Variants in ENOX1 observed in about 807,000 individuals in gnomAD.
The protein encoded by ENOX1 is ecto-NOX disulfide-thiol exchanger 1, also known as candidate growth-related and time keeping constitutive hydroquinone (NADH) oxidase.
ENOX1 carries 42 observed loss-of-function variants against 82.5 expected under a neutral mutation model. The observed-to-expected ratio is 0.51, with a 90% confidence interval of 0.40 to 0.66. The LOEUF is 0.66. ENOX1 is among the 30% of genes least tolerant of loss of function. The pLI is 0.00. For synonymous variants in ENOX1, 271 were observed against 282.2 expected, an observed-to-expected ratio of 0.96 and a Z score of 0.40; for missense variants, 608 against 811.6, an observed-to-expected ratio of 0.75 and a Z score of 3.05.
chr13:43,556,122 T>C (rs1216551770), intron 2 of ENOX1, among the ~76,000 whole-genome samples: 1 of 152,194 alleles, frequency 6.6e-6, no homozygotes, highest in Non-Finnish European at 1.5e-5. Context: ...CACTGTAACA[T>C]GGGACGTAAA....
intron 1 of ENOX1, among the ~76,000 whole-genome samples, chr13:43,713,807 CTTCT>C (rs1277765184): frequency 2.0e-5 from 3 of 151,646 alleles, no homozygotes; most frequent in Admixed American, 6.6e-5. Flanking sequence ...TCTCTCTTTT[CTTCT>C]TTATTAGTCT....
At chr13:43,726,308 C>T (rs2088952936) in intron 1 of ENOX1, among the ~76,000 whole-genome samples, 2 of 151,368 alleles carry the variant, frequency 1.3e-5, no homozygotes, top group African/African-American at 4.9e-5. Context: ...CCTCCGCCTC[C>T]CAGATTCAAG....
intron 2 of ENOX1, among the ~76,000 whole-genome samples, chr13:43,570,978 C>A (rs1164140823): frequency 1.3e-5 from 2 of 152,198 alleles, no homozygotes; most frequent in Non-Finnish European, 2.9e-5. Context: ...AACATCAACT[C>A]CACCAGAAGA....
At chr13:43,762,262 C>T (rs1421738760) in intron 1 of ENOX1, among the ~76,000 whole-genome samples, 1 of 152,184 alleles carries the variant, frequency 6.6e-6, no homozygotes, top group Non-Finnish European at 1.5e-5. Context: ...AAACATCTCC[C>T]TCCAGTTTTC....
intron 14 of ENOX1, among the ~76,000 whole-genome samples, chr13:43,254,136 A>C (rs777880461): frequency 3.9e-5 from 6 of 151,982 alleles, no homozygotes; most frequent in South Asian, 2.1e-4. Flanking sequence ...AATCTCACAT[A>C]TTTTCTCGAG....
intron 3 of ENOX1, among the ~76,000 whole-genome samples, chr13:43,456,512 CCAAT>C (rs1214811941): frequency 6.6e-6 from 1 of 152,096 alleles, no homozygotes; most frequent in Non-Finnish European, 1.5e-5. Context: ...AGGGACTCTG[CCAAT>C]CAGTCATTTT....
intron 3 of ENOX1, among the ~76,000 whole-genome samples, chr13:43,467,702 C>T (rs953141044): frequency 2.0e-5 from 3 of 152,030 alleles, no homozygotes; most frequent in Non-Finnish European, 4.4e-5. Flanking sequence ...GCTGTACATG[C>T]TTTTGGTGTT....
intron 1 of ENOX1, among the ~76,000 whole-genome samples, chr13:43,701,030 T>A (rs1434588788): frequency 6.6e-6 from 1 of 152,206 alleles, no homozygotes; most frequent in Non-Finnish European, 1.5e-5. Context: ...TCACTTGCTA[T>A]GTATTTCATC....
chr13:43,297,208 G>C (rs1274817789), intron 12 of ENOX1, among the ~76,000 whole-genome samples: 1 of 152,126 alleles, frequency 6.6e-6, no homozygotes, highest in Non-Finnish European at 1.5e-5. Flanking sequence ...CCCAATCCGT[G>C]ATTCTTTTTT....
chr13:43,560,255 G>T (rs2079612704), intron 2 of ENOX1, among the ~76,000 whole-genome samples: 1 of 151,702 alleles, frequency 6.6e-6, no homozygotes, highest in Non-Finnish European at 1.5e-5. Context: ...ATTCCTATTG[G>T]TATGCTTTTA....
chr13:43,245,576 G>A (rs1002494528), intron 14 of ENOX1, among the ~76,000 whole-genome samples: 16 of 152,158 alleles, frequency 1.1e-4, no homozygotes, highest in South Asian at 2.1e-4. Flanking sequence ...GAGCAGGATC[G>A]CAGGAATTTC....
chr13:43,235,491 G>C (rs2042493051), intron 15 of ENOX1, among the ~76,000 whole-genome samples: 1 of 152,136 alleles, frequency 6.6e-6, no homozygotes, highest in Non-Finnish European at 1.5e-5. Flanking sequence ...CCAGCACTTT[G>C]AGAGGCCAAG....
chr13:43,493,000 A>C (rs2076672675), intron 2 of ENOX1, among the ~76,000 whole-genome samples: 1 of 152,196 alleles, frequency 6.6e-6, no homozygotes, highest in Non-Finnish European at 1.5e-5. Flanking sequence ...CAAGAAAGGG[A>C]ATTCTGCCTC....
chr13:43,608,836 T>C (rs2082080584), intron 2 of ENOX1, among the ~76,000 whole-genome samples: 1 of 152,174 alleles, frequency 6.6e-6, no homozygotes, highest in African/African-American at 2.4e-5. Flanking sequence ...GCTGAAGACC[T>C]TTCCTGTCGG....
chr13:43,462,351 T>C (rs988348894), intron 3 of ENOX1, among the ~76,000 whole-genome samples: 1 of 152,230 alleles, frequency 6.6e-6, no homozygotes, highest in African/African-American at 2.4e-5. Context: ...CTGGTCTTCA[T>C]GTAAGATATT....
intron 1 of ENOX1, among the ~76,000 whole-genome samples, chr13:43,755,506 C>G (rs1639974740): frequency 1.3e-5 from 2 of 152,136 alleles, no homozygotes; most frequent in African/African-American, 4.8e-5. Context: ...CTCTAAATAA[C>G]CACTTGTGGG....
rs373937847 is a variant in ENOX1, at chr13:43,322,557, A to G, written c.1144-56T>C. On this transcript the variant is annotated intron_variant, in intron 10 of 16. Transcript: ENST00000690772. ...TCACAGACACATATGGCTTTCCCCA[A>G]TGGTCTTTGGGTATATATGACTGGC... The G allele has an allele frequency of 3.3e-4, 471 of 1,442,392 alleles. 2 individuals are homozygous for G. The highest frequency in any genetic ancestry group is 2.7e-3 in the African/African-American group (196 of 71,358). The allele number at this position is 1,442,392 out of a possible 1,614,324, so 89.3% of individuals were successfully genotyped here.
chr13:43,248,678 A>C (rs1003435869), intron 14 of ENOX1, among the ~76,000 whole-genome samples: 4 of 152,046 alleles, frequency 2.6e-5, no homozygotes, highest in African/African-American at 9.7e-5. Flanking sequence ...TCTTAGTAAT[A>C]ACCTTTGTTT....
chr13:43,522,123 A>C (rs958594738), intron 2 of ENOX1, among the ~76,000 whole-genome samples: 10 of 152,084 alleles, frequency 6.6e-5, no homozygotes, highest in Non-Finnish European at 1.3e-4. Flanking sequence ...CTAGTTCTTG[A>C]AATCTGAGGA....
Sources: allele counts gnomAD v4.1 joint callset (sites outside exome capture counted in the v4.1 genomes callset), GRCh38; gene constraint gnomAD v4.1.1; transcripts MANE v1.5; gene names NCBI Gene and HGNC (gene_info 2026-07-23, HGNC 2026-07-21).